The following CEP250 variants were observed in gnomAD, a reference collection of about 807,000 sequenced individuals.
The protein encoded by CEP250 is centrosome-associated protein CEP250.
A neutral mutation model predicts 315.7 loss-of-function variants in CEP250; 242 were observed. The ratio of observed to expected loss-of-function variants is 0.77; its 90% CI spans 0.69 to 0.85. The LOEUF is 0.85. Ranked by LOEUF, CEP250 falls within the 40% of genes least tolerant of loss-of-function variation. CEP250 has a pLI of 0.00. For missense variants in CEP250, 2,515 were observed against 2,886.4 expected (o/e 0.87, Z 2.95); for synonymous variants, 1,088 against 1,175.0 (o/e 0.93, Z 1.51).
At chr20:35,487,055 C>T (rs1013432506) in intron 20 of CEP250, among the ~76,000 whole-genome samples, 2 of 152,184 alleles carry the variant, frequency 1.3e-5, no homozygotes, top group African/African-American at 4.8e-5. Flanking sequence ...CTCCTGACTT[C>T]TGATTGTCCC....
At chr20:35,478,362 C>T (rs577027433) in intron 17 of CEP250, among the ~76,000 whole-genome samples, 4 of 152,200 alleles carry the variant, frequency 2.6e-5, no homozygotes, top group South Asian at 2.1e-4. Context: ...GTCAGAGGTT[C>T]GAGACCAGCC....
chr20:35,504,011 G>A lies in CEP250; in HGVS notation c.5642G>A (p.Arg1881Gln), dbSNP rs145352934. ...LEEELAVEGRRVQALEEVLGD... is the reference protein window; with the variant it reads ...LEEELAVEGRQVQALEEVLGD... ...GAAGAGCTGGCAGTGGAGGGACGGCGGGTCCAGGCCCTGGAGGAGGTGCTG... is the reference window on the plus strand; with the variant it reads ...GAAGAGCTGGCAGTGGAGGGACGGCAGGTCCAGGCCCTGGAGGAGGTGCTG... The change falls in exon 30 of 35, where the codon CGG becomes CAG. Residue 1881 changes from arginine (R) to glutamine (Q), a missense_variant. Coordinates refer to ENST00000397527, the MANE Select transcript of CEP250 (RefSeq NM_007186.6). 29 of 1,608,684 alleles carry A rather than the reference G, an allele frequency of 1.8e-5. No homozygotes were observed. Among genetic ancestry groups the A allele is most frequent in the Middle Eastern group, 1.7e-4 (1 of 6,046 alleles).
chr20:35,473,112 G>A (rs2063065900), intron 12 of CEP250, among the ~76,000 whole-genome samples: 1 of 152,088 alleles, frequency 6.6e-6, no homozygotes, highest in Admixed American at 6.6e-5. Flanking sequence ...TTGGGTCAAC[G>A]TTCTCCAACT....
chr20:35,511,882 TG>T lies in CEP250; in HGVS notation c.*257del. 7.7e-7 allele frequency: 1 copy of T among 1,298,474 alleles called. No individual in the cohort carries two copies. Among genetic ancestry groups the T allele is most frequent in the Non-Finnish European group, 9.8e-7 (1 of 1,025,266 alleles). 80.4% of individuals were successfully genotyped at this position (1,298,474 alleles called of 1,614,324 possible). On this transcript the variant is annotated 3_prime_UTR_variant, in exon 35 of 35. Transcript: ENST00000397527. ...GGTGCCTTGCCCTGGCTGAGGGACATGTACTGCCTCTCATCTAGAATTTATT... is the reference window on the plus strand; with the variant it reads ...GGTGCCTTGCCCTGGCTGAGGGACATTACTGCCTCTCATCTAGAATTTATT...
chr20:35,464,280 CTTGTTTGGTTGGTTTTTGT>C (rs1012613293), intron 5 of CEP250, among the ~76,000 whole-genome samples: 11 of 152,078 alleles, frequency 7.2e-5, no homozygotes, highest in Non-Finnish European at 1.2e-4. Context: ...GTTTTGCTTG[CTTGTTTGGTTGGTTTTTGT>C]TTGTTTGGTT....
chr20:35,496,553 G>C (rs369209467), intron 24 of CEP250, 24 bp from the exon 25 acceptor site: 1 of 1,608,666 alleles, frequency 6.2e-7, no homozygotes, highest in African/African-American at 1.3e-5. Flanking sequence ...GAATGGCCCA[G>C]CACTCTGACC....
chr20:35,475,550 T>C lies in CEP250; in HGVS notation c.1620T>C (p.Ser540=). The C allele has an allele frequency of 6.2e-7, 1 of 1,614,194 alleles. No individual in the cohort carries two copies. Among genetic ancestry groups the C allele is most frequent in the Middle Eastern group, 1.7e-4 (1 of 6,056 alleles). The change falls in exon 15 of 35, where the codon AGT becomes AGC. Residue 540 remains serine, a synonymous_variant. Coordinates refer to ENST00000397527, the MANE Select transcript of CEP250 (RefSeq NM_007186.6). ...GLEAKQSESL[S]ELITLREALE... ...AAGCCAAACAGTCAGAATCACTCAGTGAACTGATCACTCTTCGGGAAGCCC... is the reference window on the plus strand; with the variant it reads ...AAGCCAAACAGTCAGAATCACTCAGCGAACTGATCACTCTTCGGGAAGCCC...
chr20:35,467,249 C>T (rs1359489440), intron 8 of CEP250, 55 bp from the exon 9 acceptor site: 3 of 1,579,490 alleles, frequency 1.9e-6, no homozygotes, highest in Non-Finnish European at 2.6e-6. Flanking sequence ...GCCTGATCAC[C>T]ACACTCCTTC....
In CEP250 at chr20:35,494,593, G is replaced by A. The variant is rs1568814990; in HGVS notation, c.3103G>A (p.Glu1035Lys). The change falls in exon 24 of 35, where the codon GAG (glutamate) becomes AAG (lysine). Residue 1035 changes from glutamate (E) to lysine (K), a missense_variant. Glu to Lys is a moderately conservative substitution (Grantham distance 56). Transcript: ENST00000397527. ...GAGGCTGGTGGAGCAGGAGGTTCAG[G>A]AGAAGCTGAGAGAGACCCAGGAGTA... ...SQRLVEQEVQEKLRETQEYNR... is the reference protein window; with the variant it reads ...SQRLVEQEVQKKLRETQEYNR... The A allele has an allele frequency of 1.2e-6, 2 of 1,614,160 alleles. No homozygotes were observed. The highest frequency in any genetic ancestry group is 1.7e-6 in the Non-Finnish European group (2 of 1,180,028).
chr20:35,482,307 C>G (rs2063371776), intron 20 of CEP250, among the ~76,000 whole-genome samples: 1 of 152,136 alleles, frequency 6.6e-6, no homozygotes, highest in African/African-American at 2.4e-5. Context: ...TCTTGGCTCA[C>G]TGCAAGGTCC....
In CEP250 at chr20:35,480,038, G is replaced by C. The variant is rs780079386; in HGVS notation, c.2479G>C (p.Asp827His). Residue 827 changes from aspartate to histidine, a missense_variant, in exon 20 of 35, where the codon GAT becomes CAT. By Grantham distance (81) the Asp-to-His change is moderately conservative (BLOSUM62 -1). Coordinates refer to ENST00000397527, the MANE Select transcript of CEP250 (RefSeq NM_007186.6). The stretch of plus-strand genomic sequence containing the variant: ...ACGGAGTCAGGCAGAGCAGGAGCGG[G>C]ATGCTGCAGCCAGACAGCTGGCCCA... ...TERSQAEQERDAAARQLAQAE... is the reference protein window; with the variant it reads ...TERSQAEQERHAAARQLAQAE... 6.2e-7 allele frequency: 1 copy of C among 1,613,532 alleles called. No homozygotes were observed. Among genetic ancestry groups the C allele is most frequent in the Admixed American group, 1.7e-5 (1 of 60,024 alleles).
intron 20 of CEP250, among the ~76,000 whole-genome samples, chr20:35,486,307 C>G (rs938422314): frequency 2.0e-5 from 3 of 151,906 alleles, no homozygotes; most frequent in African/African-American, 7.3e-5. Flanking sequence ...CACTGTACAA[C>G]TCTAGCTCAC....
rs1568830109 is a variant in CEP250, at chr20:35,502,447, C to G, written c.4078C>G (p.Leu1360Val). The change falls in exon 30 of 35, where the codon CTG (leucine) becomes GTG (valine). Residue 1360 changes from leucine to valine, a missense_variant. By Grantham distance (32) the Leu-to-Val change is conservative (BLOSUM62 1). Coordinates refer to ENST00000397527, the MANE Select transcript of CEP250 (RefSeq NM_007186.6). ...KENLTAQVEH[L>V]QAAVVEARAQ... ...GAACCTGACAGCCCAGGTGGAACAC[C>G]TGCAAGCAGCTGTCGTAGAAGCCAG... The G allele has an allele frequency of 1.2e-6, 2 of 1,614,096 alleles. No individual in the cohort carries two copies. Among genetic ancestry groups the G allele is most frequent in the Non-Finnish European group, 1.7e-6 (2 of 1,180,004 alleles).
At chr20:35,473,247 A>T in intron 12 of CEP250, 127 bp from the exon 13 acceptor site, 4 of 702,986 alleles carry the variant, frequency 5.7e-6, no homozygotes, top group South Asian at 4.1e-5. Context: ...GAATAGTTGC[A>T]TCTCCCTTCT....
At chr20:35,459,480 A>G (rs1353212494) in intron 2 of CEP250, among the ~76,000 whole-genome samples, 1 of 152,084 alleles carries the variant, frequency 6.6e-6, no homozygotes, top group Admixed American at 6.5e-5. Context: ...CCATTTTTGT[A>G]GATAAAAAGT....
chr20:35,469,600 G>A (rs1420465332), intron 9 of CEP250, among the ~76,000 whole-genome samples: 1 of 152,232 alleles, frequency 6.6e-6, no homozygotes, highest in Non-Finnish European at 1.5e-5. Context: ...AGGCCTGGAA[G>A]GGCCTGGGCC....
rs577308036 is a variant in CEP250 at position 35,510,376 on chromosome 20, C to G, written c.7065+322C>G. Among the ~76,000 whole-genome samples the G allele has an allele frequency of 6.8e-4, 103 of 152,298 alleles. 2 individuals are homozygous for G. The highest frequency in any genetic ancestry group is 1.2e-3 in the Admixed American group (19 of 15,304). Reference sequence around the variant, plus strand: ...GCCTCCCTGCCCTCAGAGGTGCCCTCGCAGCCAAGACTGTTGCCAGTGCCC... The same window carrying G: ...GCCTCCCTGCCCTCAGAGGTGCCCTGGCAGCCAAGACTGTTGCCAGTGCCC... On this transcript the variant is annotated intron_variant, in intron 34 of 34. Coordinates refer to ENST00000397527, the MANE Select transcript of CEP250 (RefSeq NM_007186.6).
At chr20:35,489,081 G>A (rs1301995933) in intron 20 of CEP250, among the ~76,000 whole-genome samples, 2 of 152,036 alleles carry the variant, frequency 1.3e-5, no homozygotes, top group African/African-American at 4.8e-5. Flanking sequence ...CCAGCTACTT[G>A]GGAGGCTGAG....
intron 22 of CEP250, 88 bp downstream of exon 22, chr20:35,491,434 C>A: frequency 7.1e-7 from 1 of 1,407,228 alleles, no homozygotes; most frequent in Non-Finnish European, 9.8e-7. Flanking sequence ...TTCTTATGTG[C>A]CAGGCCCTGT....
Sources: allele counts gnomAD v4.1 joint callset (sites outside exome capture counted in the v4.1 genomes callset), GRCh38; gene constraint gnomAD v4.1.1; transcripts MANE v1.5; gene names NCBI Gene and HGNC (gene_info 2026-07-23, HGNC 2026-07-21).